KLF8: variants seen among roughly 807,000 people sequenced by gnomAD.
KLF8 encodes the protein KLF transcription factor 8.
Under a neutral mutation model 18.2 loss-of-function variants are expected in KLF8, and 10 were observed. That is an observed-to-expected ratio of 0.55 (90% confidence interval 0.34 to 0.93). The LOEUF is 0.93. KLF8 is among the 40% of genes least tolerant of loss of function. The pLI is 0.02. For synonymous variants in KLF8, 109 were observed against 97.3 expected (o/e 1.12, Z -0.71); for missense variants, 264 against 277.9 (o/e 0.95, Z 0.36).
In KLF8 at chrX:56,270,248, A is replaced by G. The variant is rs769581501; in HGVS notation, c.825A>G (p.Gln275=). 4 of 1,206,381 alleles carry G rather than the reference A, an allele frequency of 3.3e-6. No homozygotes were observed. The highest frequency in any genetic ancestry group is 3.5e-5 in the South Asian group (2 of 56,545). The change falls in exon 5 of 6, where the codon CAA becomes CAG. Residue 275 remains glutamine, a synonymous_variant. Transcript: ENST00000468660. ...ACTTGAAGAGAAGACGGATTCACCA[A>G]TGTGACTTTGCAGGATGCAGCAAAG... is the stretch of plus-strand genomic sequence containing the variant. ...SLDLKRRRIH[Q]CDFAGCSKVY...
chrX:56,230,979 G>A (rs180718990), upstream of KLF8, among the ~76,000 whole-genome samples: 22 of 111,049 alleles, frequency 2.0e-4, no homozygotes, highest in Non-Finnish European at 3.8e-4. Context: ...TCATTGGAAG[G>A]ACATGCAAGA....
the KLF8 span, among the ~76,000 whole-genome samples, chrX:56,178,943 T>G: frequency 8.9e-6 from 1 of 112,209 alleles, no homozygotes. Flanking sequence ...GTTCTTTTGG[T>G]TGAAGATTGC....
the KLF8 span, among the ~76,000 whole-genome samples, chrX:56,038,157 C>T: frequency 1.8e-5 from 2 of 112,119 alleles, no homozygotes; most frequent in East Asian, 5.6e-4. Flanking sequence ...ATGACTGGGT[C>T]GTATTCTTTT....
chrX:56,278,597 G>A (rs1228495707), intron 5 of KLF8, among the ~76,000 whole-genome samples: 1 of 111,493 alleles, frequency 9.0e-6, no homozygotes, highest in Non-Finnish European at 1.9e-5. Flanking sequence ...TTTTGAAGCT[G>A]TGAGCTGTGC....
At chrX:56,158,274 G>A in the KLF8 span, among the ~76,000 whole-genome samples, 1 of 111,933 alleles carries the variant, frequency 8.9e-6, no homozygotes, top group Non-Finnish European at 1.9e-5. Flanking sequence ...CCAGTACCAT[G>A]CTGTTTTGGT....
chrX:56,289,275 G>A lies in KLF8; in HGVS notation c.*4781G>A, dbSNP rs1360921807. 9.1e-6 allele frequency among the ~76,000 whole-genome samples: 1 copy of A among 110,067 alleles called. No homozygotes were observed. Among genetic ancestry groups the A allele is most frequent in the Admixed American group, 9.8e-5 (1 of 10,236 alleles). On this transcript the variant is annotated 3_prime_UTR_variant, in exon 6 of 6. Coordinates refer to ENST00000468660, the MANE Select transcript of KLF8 (RefSeq NM_007250.5). ...CACCCCCATCATTTTTTTTTAGCAC[G>A]TCCTTACTTTCTGCCACTGCAAGAT...
the KLF8 span, among the ~76,000 whole-genome samples, chrX:56,140,000 T>G: frequency 8.9e-6 from 1 of 111,902 alleles, no homozygotes; most frequent in Non-Finnish European, 1.9e-5. Context: ...AAGACATATA[T>G]GCAGCCAACA....
At chrX:55,939,677 A>G in the KLF8 span, among the ~76,000 whole-genome samples, 1 of 111,757 alleles carries the variant, frequency 8.9e-6, no homozygotes, top group Admixed American at 9.5e-5. Flanking sequence ...GACACAATAA[A>G]AAATGATAAA....
the KLF8 span, among the ~76,000 whole-genome samples, chrX:56,056,913 G>A: frequency 9.1e-6 from 1 of 110,267 alleles, no homozygotes. Flanking sequence ...AGACTCTGAT[G>A]GGTGGTGTCA....
the KLF8 span, among the ~76,000 whole-genome samples, chrX:55,937,114 A>G: frequency 9.0e-6 from 1 of 111,200 alleles, no homozygotes; most frequent in African/African-American, 3.3e-5. Context: ...CCTAACTGGG[A>G]GGCACCCCAG....
the KLF8 span, among the ~76,000 whole-genome samples, chrX:56,102,856 C>A: frequency 2.8e-5 from 3 of 108,255 alleles, no homozygotes; most frequent in South Asian, 1.3e-3. Flanking sequence ...CACCCATTAA[C>A]TCGTCATTTG....
chrX:56,048,843 T>G, the KLF8 span, among the ~76,000 whole-genome samples: 2 of 111,602 alleles, frequency 1.8e-5, no homozygotes, highest in Non-Finnish European at 3.8e-5. Flanking sequence ...CATTGAATCT[T>G]TAAATTACCT....
the KLF8 span, among the ~76,000 whole-genome samples, chrX:56,042,905 C>T: frequency 1.8e-5 from 2 of 111,653 alleles, no homozygotes; most frequent in South Asian, 7.5e-4. Context: ...TATGTGGTTG[C>T]CTCATAATAT....
the KLF8 span, among the ~76,000 whole-genome samples, chrX:56,183,986 G>A: frequency 1.8e-5 from 2 of 111,277 alleles, no homozygotes; most frequent in South Asian, 4.0e-4. Flanking sequence ...TGAGGTACCA[G>A]GATCATCTCA....
chrX:56,023,338 G>A, the KLF8 span, among the ~76,000 whole-genome samples: 1 of 111,814 alleles, frequency 8.9e-6, no homozygotes, highest in African/African-American at 3.3e-5. Context: ...AGTTTAAATT[G>A]ATTAGCTGCT....
chrX:56,055,191 T>C, the KLF8 span, among the ~76,000 whole-genome samples: 1 of 112,306 alleles, frequency 8.9e-6, no homozygotes, highest in Non-Finnish European at 1.9e-5. Flanking sequence ...TGTATTTCAG[T>C]ATGTTTTCGT....
At chrX:56,047,062 AT>A in the KLF8 span, among the ~76,000 whole-genome samples, 14,311 of 102,785 alleles carry the variant, frequency 0.14, 2,475 homozygotes, top group African/African-American at 0.48. Context: ...TCATTTTTTA[AT>A]TTTTTTTTTT....
the KLF8 span, among the ~76,000 whole-genome samples, chrX:56,207,681 T>C: frequency 9.0e-6 from 1 of 111,072 alleles, no homozygotes; most frequent in African/African-American, 3.3e-5. Flanking sequence ...AACAAGTCTC[T>C]AGGAAGTTTC....
At chrX:56,167,572 G>A in the KLF8 span, among the ~76,000 whole-genome samples, 30 of 111,946 alleles carry the variant, frequency 2.7e-4, no homozygotes, top group Admixed American at 2.8e-3. Flanking sequence ...AGCCAACTAG[G>A]AAACCCCCTG....
Sources: allele counts gnomAD v4.1 joint callset (sites outside exome capture counted in the v4.1 genomes callset), GRCh38; gene constraint gnomAD v4.1.1; transcripts MANE v1.5; gene names NCBI Gene and HGNC (gene_info 2026-07-23, HGNC 2026-07-21).